Variants in NOP53 observed in about 807,000 individuals in gnomAD.
NOP53 encodes NOP53 ribosome biogenesis factor, also known as ribosome biogenesis protein NOP53.
A neutral mutation model predicts 61.0 loss-of-function variants in NOP53; 40 were observed. The ratio of observed to expected loss-of-function variants is 0.66; its 90% confidence interval spans 0.51 to 0.85. NOP53 has a LOEUF of 0.85. Among genes scored for constraint, NOP53 ranks in the 40% least tolerant of loss-of-function variants. The pLI is 0.00. For synonymous variants in NOP53, 308 were observed against 289.5 expected, an observed-to-expected ratio of 1.06 and a Z score of -0.65; for missense variants, 689 against 652.9, an observed-to-expected ratio of 1.06 and a Z score of -0.60.
intron 4 of NOP53, 199 bp downstream of exon 4, chr19:47,751,306 G>T: frequency 6.1e-6 from 4 of 652,360 alleles, no homozygotes; most frequent in Non-Finnish European, 1.1e-5. Flanking sequence ...GAGGCTTCAG[G>T]AAAGGAAGCC....
In NOP53 at chr19:47,754,289, G is replaced by A. The variant is rs1156917735; in HGVS notation, c.766-238G>A. On this transcript the variant is annotated intron_variant, in intron 6 of 12. Transcript: ENST00000246802. The surrounding 1 kb of genome is among the most constrained non-coding windows in gnomAD (Gnocchi z 4.2). ...AGAAACTCTATCTCAAAAAAAAAAT[G>A]TGAAGCGTGCAGGTCAGACTGCCTT... 5 of 482,978 alleles carry A rather than the reference G, an allele frequency of 1.0e-5. No homozygotes were observed. The highest frequency in any genetic ancestry group is 1.0e-4 in the Admixed American group (3 of 29,774). The allele number at this position is 482,978 out of a possible 1,614,324, so 29.9% of individuals were successfully genotyped here. A position where few individuals can be genotyped will look rare whatever the true frequency, so the allele number is the denominator to read the frequency against.
At chr19:47,749,921 T>C (rs1967104239) in intron 2 of NOP53, among the ~76,000 whole-genome samples, 1 of 152,152 alleles carries the variant, frequency 6.6e-6, no homozygotes, top group African/African-American at 2.4e-5. Flanking sequence ...TATGTGGCTG[T>C]GGGCGTGACT....
In NOP53 at chr19:47,756,515, C is replaced by G. The variant is rs45498202; in HGVS notation, c.1297-13C>G. The G allele has an allele frequency of 3.1e-6, 5 of 1,612,372 alleles. No homozygotes were observed. In the South Asian group the frequency reaches 4.4e-5, roughly 14 times the overall value. On this transcript the variant is annotated splice_polypyrimidine_tract_variant and intron_variant, in intron 10 of 12. Coordinates refer to ENST00000246802, the MANE Select transcript of NOP53 (RefSeq NM_015710.5). ...TGCCAGGCCCTGCTGAGGCCTCCCT[C>G]TCTGTCCTGTAGCCCGAGGGCAACA... is the stretch of plus-strand genomic sequence containing the variant.
At chr19:47,747,094 C>T (rs763380797) in intron 2 of NOP53, 63 bp downstream of exon 2, 49 of 1,284,246 alleles carry the variant, frequency 3.8e-5, no homozygotes, top group African/African-American at 1.5e-5. Flanking sequence ...TTACGGTAGC[C>T]TCTGAGATCT....
intron 12 of NOP53, 117 bp downstream of exon 12, chr19:47,756,861 C>A: frequency 6.6e-7 from 1 of 1,505,998 alleles, no homozygotes; most frequent in Non-Finnish European, 9.2e-7. Flanking sequence ...CCCCCTTGGC[C>A]ATGCCCAGAA....
At position 47,754,868 on chromosome 19, in the gene NOP53, C is replaced by T. The variant is rs748360714; in HGVS notation, c.1030C>T (p.Arg344Trp). The T allele has an allele frequency of 2.7e-5, 41 of 1,522,854 alleles. No individual in the cohort carries two copies. Among genetic ancestry groups the T allele is most frequent in the East Asian group, 1.9e-4 (8 of 41,994 alleles). 94.3% of individuals were successfully genotyped at this position (1,522,854 alleles called of 1,614,324 possible). Reference protein sequence around the residue: ...TEKKTEQQRRREKAVHRLRVQ... With the variant: ...TEKKTEQQRRWEKAVHRLRVQ... Reference sequence around the variant, plus strand: ...GAAGAAGACGGAGCAGCAGCGGCGGCGGGAGAAGGCTGTGCACAGGCTGGT... The same window carrying T: ...GAAGAAGACGGAGCAGCAGCGGCGGTGGGAGAAGGCTGTGCACAGGCTGGT... The change falls in exon 8 of 13, where the codon CGG (arginine) becomes TGG (tryptophan). Residue 344 changes from arginine to tryptophan, a missense_variant. Physicochemically the swap from Arg to Trp is moderately radical, Grantham distance 101. Coordinates refer to ENST00000246802, the MANE Select transcript of NOP53 (RefSeq NM_015710.5). This position sits in a 1 kb window ranked among gnomAD's most constrained non-coding sequence, Gnocchi z 4.2.
rs1407307888 is a variant in NOP53 at position 47,751,052 on chromosome 19, G to T, written c.543G>T (p.Lys181Asn). 6.2e-7 allele frequency: 1 copy of T among 1,608,356 alleles called. No homozygotes were observed. The highest frequency in any genetic ancestry group is 1.7e-5 in the Admixed American group (1 of 59,016). ...TCAACCCTTCTGCAACAAGGGCCAA[G>T]CCCGGGCCCCAGGACACCGTAGAGC... ...RLLNPSATRA[K>N]PGPQDTVERP... Residue 181 changes from lysine (K) to asparagine (N), a missense_variant, in exon 4 of 13, where the codon AAG becomes AAT. Transcript: ENST00000246802.
chr19:47,752,810 C>G, intron 6 of NOP53: 1 of 538,388 alleles, frequency 1.9e-6, no homozygotes, highest in Non-Finnish European at 3.3e-6. Context: ...AGACGGGGCA[C>G]CTGGCCCAGC....
intron 2 of NOP53, among the ~76,000 whole-genome samples, chr19:47,747,769 TTCTC>T (rs1229855173): frequency 2.0e-4 from 29 of 143,670 alleles, no homozygotes; most frequent in African/African-American, 6.9e-4. Flanking sequence ...TTCTTTTCTT[TTCTC>T]TCTCTCTTTT....
chr19:47,755,227 G>A lies in NOP53; in HGVS notation c.1054-121G>A, dbSNP rs1375323871. 16 of 631,094 alleles carry A rather than the reference G, an allele frequency of 2.5e-5. No homozygotes were observed. In the East Asian group the frequency reaches 3.9e-4, roughly 16 times the overall value. 39.1% of individuals were successfully genotyped at this position (631,094 alleles called of 1,614,324 possible). A position where few individuals can be genotyped will look rare whatever the true frequency, so the allele number is the denominator to read the frequency against. Reference sequence around the variant, plus strand: ...GCACTGGAGGGGCCGCTGATGTGACGGGGTTAGGAAGGGCCTCCGGGGACA... The same window carrying A: ...GCACTGGAGGGGCCGCTGATGTGACAGGGTTAGGAAGGGCCTCCGGGGACA... On this transcript the variant is annotated intron_variant, in intron 8 of 12. Transcript: ENST00000246802.
In NOP53 at chr19:47,750,902, G is replaced by T; in HGVS notation, c.399-6G>T. ...TGCTGCACTTGTGCCCCCTCTCCCC[G>T]ACCAGCGTCCTCGCCCACCAGGTCC... On this transcript the variant is annotated splice_polypyrimidine_tract_variant and splice_region_variant and intron_variant, in intron 3 of 12. Transcript: ENST00000246802. The T allele has an allele frequency of 6.3e-7, 1 of 1,578,598 alleles. No homozygotes were observed. The highest frequency in any genetic ancestry group is 1.2e-5 in the South Asian group (1 of 86,124).
chr19:47,750,055 C>T (rs746525630), intron 2 of NOP53, 123 bp from the exon 3 acceptor site: 68 of 613,678 alleles, frequency 1.1e-4, no homozygotes, highest in Non-Finnish European at 1.8e-4. Flanking sequence ...GCCTGGGGAC[C>T]TCCAAGTCTC....
At chr19:47,748,582 C>G (rs1252125551) in intron 2 of NOP53, among the ~76,000 whole-genome samples, 1 of 151,962 alleles carries the variant, frequency 6.6e-6, no homozygotes, top group Non-Finnish European at 1.5e-5. Flanking sequence ...CAGGAGACTT[C>G]CAATAGGCAG....
rs1017722621 is a variant in NOP53 at position 47,756,418 on chromosome 19, T to G, written c.1297-110T>G. The G allele has an allele frequency of 6.4e-6, 5 of 787,398 alleles. No homozygotes were observed. In the African/African-American group the frequency reaches 8.6e-5, roughly 14 times the overall value. The allele number at this position is 787,398 out of a possible 1,614,324, so 48.8% of individuals were successfully genotyped here. On this transcript the variant is annotated intron_variant, in intron 10 of 12. Coordinates refer to ENST00000246802, the MANE Select transcript of NOP53 (RefSeq NM_015710.5). ...GGCTGAGTCCCTGGTGCCCACAGGC[T>G]GCCCTGGGGGGAGACTGCATGGGGC...
chr19:47,751,421 CAGGGTCACCTTTTTGAAATGTGG>C, intron 4 of NOP53, 76 bp from the exon 5 acceptor site: 1 of 920,250 alleles, frequency 1.1e-6, no homozygotes. Flanking sequence ...GCCTGAGCTT[CAGGGTCACCTTTTTGAAATGTGG>C]AGGGATTGGG....
At chr19:47,755,224 G>C in intron 8 of NOP53, 124 bp from the exon 9 acceptor site, 1 of 623,886 alleles carries the variant, frequency 1.6e-6, no homozygotes, top group Non-Finnish European at 2.6e-6. Flanking sequence ...CCGCTGATGT[G>C]ACGGGGTTAG....
intron 3 of NOP53, 81 bp from the exon 4 acceptor site, chr19:47,750,827 G>A (rs915503407): frequency 2.5e-6 from 3 of 1,215,626 alleles, no homozygotes; most frequent in African/African-American, 3.0e-5. Flanking sequence ...AATGGTGGAG[G>A]AAGCCCGACG....
intron 10 of NOP53, 27 bp downstream of exon 10, chr19:47,755,849 C>T: frequency 6.3e-7 from 1 of 1,580,990 alleles, no homozygotes; most frequent in Non-Finnish European, 8.7e-7. Flanking sequence ...GCCGTGGAGC[C>T]CCGTGCCCAG....
intron 2 of NOP53, among the ~76,000 whole-genome samples, chr19:47,749,889 C>A (rs1967104011): frequency 6.6e-6 from 1 of 152,130 alleles, no homozygotes; most frequent in South Asian, 2.1e-4. Context: ...AAGAGGTTCC[C>A]TGTTTGTCTG....
Sources: allele counts gnomAD v4.1 joint callset (sites outside exome capture counted in the v4.1 genomes callset), GRCh38; gene constraint gnomAD v4.1.1; non-coding constraint Gnocchi (gnomAD v3.1); transcripts MANE v1.5; gene names NCBI Gene and HGNC (gene_info 2026-07-23, HGNC 2026-07-21).